Variants in FRMPD3 observed in about 807,000 individuals in gnomAD.
The protein encoded by FRMPD3 is FERM and PDZ domain containing 3.
Under a neutral mutation model 97.9 loss-of-function variants are expected in FRMPD3, and 42 were observed. That is an observed-to-expected ratio of 0.43 (90% CI 0.34 to 0.55). The LOEUF is 0.55. Among genes scored for constraint, FRMPD3 ranks in the 20% least tolerant of loss-of-function variants. The pLI, the probability that FRMPD3 is intolerant of heterozygous loss-of-function variation, is 0.03. For synonymous variants in FRMPD3, 577 were observed against 581.1 expected (o/e 0.99, Z 0.10); for missense variants, 1,303 against 1,457.7 (o/e 0.89, Z 1.73).
chrX:107,564,323 G>A (rs926879432), intron 11 of FRMPD3, among the ~76,000 whole-genome samples: 10 of 112,627 alleles, frequency 8.9e-5, no homozygotes, highest in African/African-American at 2.6e-4. Context: ...CCATTAAAAG[G>A]CAAATCTCTG....
chrX:107,542,137 A>G (rs1602792758), intron 4 of FRMPD3, among the ~76,000 whole-genome samples: 2 of 112,683 alleles, frequency 1.8e-5, no homozygotes, highest in East Asian at 2.8e-4. Context: ...CTGCCTGAGC[A>G]TAGCTACAGA....
rs938545493 is a variant in FRMPD3, at chrX:107,476,446, T to C, written c.-8+26441T>C. 6.8e-4 allele frequency among the ~76,000 whole-genome samples: 76 copies of C among 112,438 alleles called. 3 individuals are homozygous for C. Among genetic ancestry groups the C allele is most frequent in the Non-Finnish European group, 1.3e-4 (7 of 53,330 alleles). On this transcript the variant is annotated intron_variant, in intron 1 of 14. Transcript: ENST00000683843. ...AGAATCTTAACCACTGAGGACATGC[T>C]GTATCTGTCCAAACCATTCAGACCC...
chrX:107,603,351 C>T lies in FRMPD3; in HGVS notation c.5312C>T (p.Ser1771Phe). ...SATVMSTFTH[S>F]LKTLIK ...ACTGTTATGAGCACATTCACCCACT[C>T]CTTAAAAACCCTTATTAAGTAGGGC... Residue 1771 changes from serine to phenylalanine, a missense_variant, in exon 15 of 15, where the codon TCC (serine) becomes TTC (phenylalanine). Transcript: ENST00000683843. 1 of 1,144,299 alleles carries T rather than the reference C, an allele frequency of 8.7e-7. No homozygotes were observed. Among genetic ancestry groups the T allele is most frequent in the South Asian group, 2.0e-5 (1 of 49,281 alleles). The allele number at this position is 1,144,299 out of a possible 1,213,427, so 94.3% of individuals were successfully genotyped here. A position where few individuals can be genotyped will look rare whatever the true frequency, so the allele number is the denominator to read the frequency against.
chrX:107,584,634 AGG>A (rs953586034), intron 13 of FRMPD3, among the ~76,000 whole-genome samples: 1 of 112,214 alleles, frequency 8.9e-6, no homozygotes, highest in Admixed American at 9.5e-5. Flanking sequence ...GGTGTAAGGA[AGG>A]GGTCCAGTTT....
rs142915391 is a variant in FRMPD3 at position 107,508,289 on chromosome X, G to A, written c.-7-18293G>A. On this transcript the variant is annotated intron_variant, in intron 1 of 14. Transcript: ENST00000683843. ...TAAAGTCATGGCCCAGGTGCAAAGA[G>A]TTTTGAATCAATTTTCAAATCATCC... Among the ~76,000 whole-genome samples, 296 of 112,234 alleles carry A rather than the reference G, an allele frequency of 2.6e-3. 1 individual carries two copies. The highest frequency in any genetic ancestry group is 8.8e-3 in the African/African-American group (271 of 30,903).
chrX:107,519,963 G>A (rs915749455), intron 1 of FRMPD3, among the ~76,000 whole-genome samples: 2 of 111,540 alleles, frequency 1.8e-5, no homozygotes, highest in African/African-American at 6.5e-5. Flanking sequence ...GGCTATAGGA[G>A]AGTTTGTTGT....
rs146668661 is a variant in FRMPD3 at position 107,538,594 on chromosome X, C to T, written c.297+5044C>T. ...CTGGACCAGACAATCTGCAAGTCTC[C>T]TTCTATTAATAGCTCCTACATTATG... On this transcript the variant is annotated intron_variant, in intron 4 of 14. Coordinates refer to ENST00000683843, the MANE Select transcript of FRMPD3 (RefSeq NM_001388459.1). Among the ~76,000 whole-genome samples, 287 of 106,003 alleles carry T rather than the reference C, an allele frequency of 2.7e-3. 1 individual carries two copies. The highest frequency in any genetic ancestry group is 9.0e-3 in the African/African-American group (262 of 29,086). The allele number at this position is 106,003 out of a possible 115,157, so 92.1% of individuals were successfully genotyped here.
At chrX:107,596,642 A>G (rs1314569770) in intron 13 of FRMPD3, among the ~76,000 whole-genome samples, 1 of 112,234 alleles carries the variant, frequency 8.9e-6, no homozygotes, top group Non-Finnish European at 1.9e-5. Flanking sequence ...TTGAAGAATT[A>G]TAAGAATGCT....
intron 1 of FRMPD3, among the ~76,000 whole-genome samples, chrX:107,453,210 TACAC>T (rs765012101): frequency 1.0e-3 from 115 of 110,106 alleles, no homozygotes; most frequent in Non-Finnish European, 1.1e-3. Flanking sequence ...TACACACAAA[TACAC>T]ACACACATAT....
chrX:107,599,800 T>G (rs1372166839), intron 14 of FRMPD3, among the ~76,000 whole-genome samples: 1 of 109,462 alleles, frequency 9.1e-6, no homozygotes, highest in Non-Finnish European at 1.9e-5. Context: ...CTTTGTCCCC[T>G]CCCCTCCACT....
intron 4 of FRMPD3, among the ~76,000 whole-genome samples, chrX:107,538,393 T>A (rs1921104683): frequency 9.1e-6 from 1 of 109,720 alleles, no homozygotes; most frequent in Non-Finnish European, 1.9e-5. Flanking sequence ...AATACTACTG[T>A]GTTCACAGCA....
chrX:107,552,673 C>T (rs1264446933), intron 6 of FRMPD3, 122 bp from the exon 7 acceptor site: 4 of 776,354 alleles, frequency 5.2e-6, no homozygotes, highest in Non-Finnish European at 7.2e-6. Flanking sequence ...GCCAGTGTTG[C>T]AGCCTTCTCC....
intron 1 of FRMPD3, chrX:107,525,696 G>T: frequency 1.8e-6 from 1 of 557,627 alleles, no homozygotes; most frequent in Non-Finnish European, 3.2e-6. Flanking sequence ...GACAATTTTG[G>T]TCCCAGACAT....
chrX:107,548,554 G>C (rs764351641), intron 5 of FRMPD3, among the ~76,000 whole-genome samples: 1 of 112,707 alleles, frequency 8.9e-6, no homozygotes, highest in East Asian at 2.8e-4. Flanking sequence ...GTTTAGTGTT[G>C]GGACTACAAA....
intron 1 of FRMPD3, 135 bp from the exon 2 acceptor site, chrX:107,526,447 T>C (rs1922699381): frequency 1.6e-5 from 7 of 446,581 alleles, no homozygotes; most frequent in Non-Finnish European, 7.3e-6. Context: ...CTCTGTTGGC[T>C]CCAGAGGATG....
chrX:107,605,012 A>G lies in FRMPD3; in HGVS notation c.*1639A>G, dbSNP rs1924767247. On this transcript the variant is annotated 3_prime_UTR_variant, in exon 15 of 15. Coordinates refer to ENST00000683843, the MANE Select transcript of FRMPD3 (RefSeq NM_001388459.1). ...GCCAGTGGGGAATCCTTTTCCCCTC[A>G]GCCACTGCAAGCTGGAGTGCTGATA... is the stretch of plus-strand genomic sequence containing the variant. 1 of 110,008 alleles carries G rather than the reference A, an allele frequency of 9.1e-6. No individual in the cohort carries two copies. The highest frequency in any genetic ancestry group is 9.8e-5 in the Admixed American group (1 of 10,246). The allele number at this position is 110,008 out of a possible 1,213,427, so 9.1% of individuals were successfully genotyped here.
Position 107,565,367 on chromosome X carries a change from C to T in FRMPD3, c.1296+301C>T, listed in dbSNP as rs892394436. ...ACTTGGAGCTACCCCCAGACCACTG[C>T]TTCCCATTTTTCTCATATCATAGCA... On this transcript the variant is annotated intron_variant, in intron 12 of 14. Transcript: ENST00000683843. 8.0e-5 allele frequency among the ~76,000 whole-genome samples: 9 copies of T among 111,886 alleles called. No homozygotes were observed. The South Asian group carries it at 1.9e-3, about 23-fold the overall frequency.
intron 1 of FRMPD3, among the ~76,000 whole-genome samples, chrX:107,470,223 C>A (rs930441508): frequency 4.4e-5 from 5 of 112,510 alleles, no homozygotes; most frequent in African/African-American, 1.6e-4. Context: ...CAATAAACAT[C>A]ATCTTACAGT....
intron 1 of FRMPD3, among the ~76,000 whole-genome samples, chrX:107,523,859 GC>G (rs935223200): frequency 2.7e-5 from 3 of 112,242 alleles, no homozygotes; most frequent in African/African-American, 9.7e-5. Flanking sequence ...GTACCTCAAG[GC>G]CCAGTGGAAA....
Sources: gnomAD v4.1 joint callset for allele counts (sites outside exome capture counted in the v4.1 genomes callset) on GRCh38, gnomAD v4.1.1 for gene constraint, MANE v1.5 for transcripts, NCBI Gene and HGNC (gene_info 2026-07-23, HGNC 2026-07-21) for gene names.